OCA2: variants seen among roughly 807,000 people sequenced by gnomAD.
The protein encoded by OCA2 is P protein.
A neutral mutation model predicts 100.2 loss-of-function variants in OCA2; 77 were observed. The ratio of observed to expected loss-of-function variants is 0.77; its 90% CI spans 0.64 to 0.93. The LOEUF is 0.93. Ranked by LOEUF, OCA2 falls within the 40% of genes least tolerant of loss-of-function variation. The probability of loss-of-function intolerance (pLI) is 0.00; values close to 1 mark genes in which losing one functional copy is unlikely to be tolerated. For missense variants in OCA2, 1,062 were observed against 1,089.1 expected (o/e 0.98, Z 0.35); for synonymous variants, 432 against 439.2 (o/e 0.98, Z 0.21).
chr15:27,870,063 G>A lies in OCA2; in HGVS notation c.2244+1091C>T, dbSNP rs150261011. Among the ~76,000 whole-genome samples the A allele has an allele frequency of 3.1e-3, 466 of 152,338 alleles. 1 individual carries two copies. Among genetic ancestry groups the A allele is most frequent in the Non-Finnish European group, 2.4e-3 (163 of 68,030 alleles). On this transcript the variant is annotated intron_variant, in intron 21 of 23. Coordinates refer to ENST00000354638, the MANE Select transcript of OCA2 (RefSeq NM_000275.3). ...AGAAACTAAATTCCAGGCTGCAAGC[G>A]AGGGATGCAGGTTCCCAGATCCGCC... is the stretch of plus-strand genomic sequence containing the variant.
chr15:27,805,781 G>A (rs1042011174), intron 23 of OCA2, among the ~76,000 whole-genome samples: 1 of 152,108 alleles, frequency 6.6e-6, no homozygotes, highest in Admixed American at 6.5e-5. Flanking sequence ...CCCACATCCA[G>A]GTGGTAATGG....
intron 2 of OCA2, among the ~76,000 whole-genome samples, chr15:28,070,334 G>C (rs1297468980): frequency 7.4e-6 from 1 of 135,380 alleles, no homozygotes; most frequent in East Asian, 2.5e-4. Flanking sequence ...CCCCCCGCCC[G>C]GCCAGCCGCC....
intron 5 of OCA2, among the ~76,000 whole-genome samples, 164 bp downstream of exon 5, chr15:28,024,681 C>T (rs1022473339): frequency 2.0e-5 from 3 of 152,204 alleles, no homozygotes; most frequent in Admixed American, 1.3e-4. Flanking sequence ...CCCCTCAGCC[C>T]GCTGCCCCAC....
intron 6 of OCA2, among the ~76,000 whole-genome samples, chr15:28,019,672 G>T (rs1368550479): frequency 6.6e-6 from 1 of 152,156 alleles, no homozygotes; most frequent in East Asian, 1.9e-4. Context: ...GGGCAGGCCA[G>T]AGGGCCGGGA....
chr15:28,002,038 G>A (rs558935226), intron 9 of OCA2, among the ~76,000 whole-genome samples: 5 of 152,306 alleles, frequency 3.3e-5, no homozygotes, highest in Non-Finnish European at 5.9e-5. Flanking sequence ...GGCAAACACT[G>A]GCTAACAGAA....
At chr15:28,085,728 A>G (rs1566883614) in intron 1 of OCA2, among the ~76,000 whole-genome samples, 1 of 149,014 alleles carries the variant, frequency 6.7e-6, no homozygotes. Context: ...ATACTGTCCT[A>G]TCTGCCAACA....
intron 4 of OCA2, 63 bp downstream of exon 4, chr15:28,027,808 G>A: frequency 6.6e-7 from 1 of 1,523,296 alleles, no homozygotes; most frequent in Non-Finnish European, 9.0e-7. Flanking sequence ...AGATGGAGGG[G>A]CCATGTAGGA....
At chr15:27,781,528 C>T (rs1380212152) in intron 23 of OCA2, among the ~76,000 whole-genome samples, 1 of 152,210 alleles carries the variant, frequency 6.6e-6, no homozygotes, top group African/African-American at 2.4e-5. Flanking sequence ...TTAATACTGA[C>T]TTCCTGAGAT....
At chr15:27,796,568 C>T (rs1397559391) in intron 23 of OCA2, among the ~76,000 whole-genome samples, 2 of 151,908 alleles carry the variant, frequency 1.3e-5, no homozygotes, top group African/African-American at 2.4e-5. Flanking sequence ...TGTCCCCCAA[C>T]AGGTGTAACA....
At chr15:28,029,524 T>A (rs2141361506) in intron 3 of OCA2, among the ~76,000 whole-genome samples, 1 of 152,170 alleles carries the variant, frequency 6.6e-6, no homozygotes, top group East Asian at 1.9e-4. Context: ...CGCTTCCCTG[T>A]CCAATATGGC....
rs559342019 is a variant in OCA2 at position 28,057,632 on chromosome 15, A to G, written c.227+24016T>C. On this transcript the variant is annotated intron_variant, in intron 2 of 23. Coordinates refer to ENST00000354638, the MANE Select transcript of OCA2 (RefSeq NM_000275.3). ...CAAAAACATTGGCCCAAAAATACATATAAGCTACTCTTGCATTCAAATATT... is the reference window on the plus strand; with the variant it reads ...CAAAAACATTGGCCCAAAAATACATGTAAGCTACTCTTGCATTCAAATATT... Among the ~76,000 whole-genome samples the G allele has an allele frequency of 2.0e-5, 3 of 152,116 alleles. No homozygotes were observed. The South Asian group carries it at 6.2e-4, about 32-fold the overall frequency.
intron 19 of OCA2, among the ~76,000 whole-genome samples, chr15:27,917,087 G>A (rs1170327085): frequency 6.6e-6 from 1 of 152,102 alleles, no homozygotes; most frequent in African/African-American, 2.4e-5. Context: ...GGGGCCCAGA[G>A]AGTTTGCCTA....
At position 28,022,501 on chromosome 15, in the gene OCA2, A is replaced by G; in HGVS notation, c.646T>C (p.Ser216Pro). The change falls in exon 6 of 24, where the codon TCC becomes CCC. Residue 216 changes from serine to proline, a missense_variant and splice_region_variant. Coordinates refer to ENST00000354638, the MANE Select transcript of OCA2 (RefSeq NM_000275.3). ...LLALSPLENY[S>P]VNLSSHVDST... ...CCATCTCAGAGTGGATTTTGGATAC[A>G]GTAGTTCTCCAGCGGTGATAAGGCC... is the stretch of plus-strand genomic sequence containing the variant. 1 of 1,611,210 alleles carries G rather than the reference A, an allele frequency of 6.2e-7. No homozygotes were observed. Among genetic ancestry groups the G allele is most frequent in the Non-Finnish European group, 8.5e-7 (1 of 1,177,310 alleles).
At chr15:27,979,691 A>G (rs1431690323) in intron 14 of OCA2, among the ~76,000 whole-genome samples, 2 of 150,834 alleles carry the variant, frequency 1.3e-5, no homozygotes, top group African/African-American at 4.9e-5. Context: ...AAAAAATCTT[A>G]CATTAATATA....
At chr15:27,937,397 A>G (rs891102434) in intron 18 of OCA2, among the ~76,000 whole-genome samples, 4 of 152,240 alleles carry the variant, frequency 2.6e-5, no homozygotes, top group African/African-American at 7.2e-5. Flanking sequence ...GCAAATGTAC[A>G]TATTTTTGTT....
chr15:28,032,552 G>C (rs1566822097), intron 2 of OCA2, among the ~76,000 whole-genome samples: 2 of 151,972 alleles, frequency 1.3e-5, no homozygotes, highest in Admixed American at 6.6e-5. Flanking sequence ...TTGGGAGACT[G>C]AGGCGGGTGA....
chr15:27,985,992 G>A (rs1425229833), intron 12 of OCA2, among the ~76,000 whole-genome samples: 1 of 152,172 alleles, frequency 6.6e-6, no homozygotes, highest in Non-Finnish European at 1.5e-5. Flanking sequence ...CGCCCAGCCT[G>A]TTGAGTAATT....
At chr15:27,932,236 T>C (rs911347085) in intron 18 of OCA2, among the ~76,000 whole-genome samples, 4 of 152,180 alleles carry the variant, frequency 2.6e-5, no homozygotes, top group African/African-American at 9.7e-5. Flanking sequence ...ATTGTGAATG[T>C]CTGTTCTAAC....
chr15:27,868,673 G>A (rs2036424648), intron 21 of OCA2, among the ~76,000 whole-genome samples: 1 of 152,090 alleles, frequency 6.6e-6, no homozygotes, highest in South Asian at 2.1e-4. Flanking sequence ...ATGGTATCAT[G>A]CACTTCAAAG....
Sources: allele counts gnomAD v4.1 joint callset (sites outside exome capture counted in the v4.1 genomes callset), GRCh38; gene constraint gnomAD v4.1.1; transcripts MANE v1.5; gene names NCBI Gene and HGNC (gene_info 2026-07-23, HGNC 2026-07-21).